The following TBKBP1 variants were observed in gnomAD, a reference collection of about 807,000 sequenced individuals.
TBKBP1 encodes TBK1 binding protein 1.
A neutral mutation model predicts 69.9 loss-of-function variants in TBKBP1; 47 were observed. The ratio of observed to expected loss-of-function variants is 0.67; its 90% CI spans 0.53 to 0.86. The LOEUF is 0.86. TBKBP1 is among the 40% of genes least tolerant of loss of function. The pLI is 0.00. For missense variants in TBKBP1, 831 were observed against 858.6 expected, an observed-to-expected ratio of 0.97 and a Z score of 0.40; for synonymous variants, 418 against 390.3, an observed-to-expected ratio of 1.07 and a Z score of -0.84.
intron 7 of TBKBP1, among the ~76,000 whole-genome samples, chr17:47,703,084 G>A (rs965205004): frequency 6.6e-6 from 1 of 152,096 alleles, no homozygotes; most frequent in Non-Finnish European, 1.5e-5. Flanking sequence ...TCATCTGTGC[G>A]GGGTCCATCT....
At position 47,709,223 on chromosome 17, in the gene TBKBP1, A is replaced by G; in HGVS notation, c.1490A>G (p.Tyr497Cys). 1.3e-6 allele frequency: 2 copies of G among 1,526,070 alleles called. No individual in the cohort carries two copies. Among genetic ancestry groups the G allele is most frequent in the African/African-American group, 1.4e-5 (1 of 69,792 alleles). The allele number at this position is 1,526,070 out of a possible 1,614,324, so 94.5% of individuals were successfully genotyped here. ...CCCCGGGCCTACGGCAGCGAGCTCT[A>G]CGGCCCTGGCAGGCCCCTCAGCCCG... ...PKPRAYGSEL[Y>C]GPGRPLSPRR... Residue 497 changes from tyrosine to cysteine, a missense_variant, in exon 9 of 10, where the codon TAC becomes TGC. Transcript: ENST00000578982.
At chr17:47,694,636 A>G (rs2031133262) in intron 1 of TBKBP1, 1 of 151,880 alleles carries the variant, frequency 6.6e-6, no homozygotes, top group Non-Finnish European at 1.5e-5. Context: ...GGGCCCAGAG[A>G]GGAATGCGGA....
chr17:47,704,223 C>T (rs745860893), intron 7 of TBKBP1, among the ~76,000 whole-genome samples: 1 of 152,208 alleles, frequency 6.6e-6, no homozygotes, highest in Non-Finnish European at 1.5e-5. Flanking sequence ...GATGTCAGCT[C>T]TGGTGGATTC....
chr17:47,710,409 T>A (rs1597972105), intron 9 of TBKBP1, 89 bp from the exon 10 acceptor site: 2 of 1,533,530 alleles, frequency 1.3e-6, no homozygotes, highest in East Asian at 4.6e-5. Context: ...CAGCCCTCCC[T>A]GCCCTGGGTC....
chr17:47,702,081 G>A (rs150746021), intron 7 of TBKBP1, among the ~76,000 whole-genome samples: 6 of 152,330 alleles, frequency 3.9e-5, no homozygotes, highest in Middle Eastern at 3.4e-3. Flanking sequence ...TCACTACCCC[G>A]ATAGTTTTAT....
Position 47,711,844 on chromosome 17 carries a change from C to T in TBKBP1, c.*1218C>T, listed in dbSNP as rs2031936099. On this transcript the variant is annotated 3_prime_UTR_variant, in exon 10 of 10. Transcript: ENST00000578982. ...CAGCGCATGTCCCGCTCTTATCCAA[C>T]TCTTCCAGGCCCCACCTCCCTGCAC... The T allele has an allele frequency of 6.6e-6, 1 of 152,658 alleles. No individual in the cohort carries two copies. 9.5% of individuals were successfully genotyped at this position (152,658 alleles called of 1,614,324 possible).
intron 1 of TBKBP1, chr17:47,695,545 CT>C (rs1372142177): frequency 6.5e-6 from 1 of 152,998 alleles, no homozygotes; most frequent in Non-Finnish European, 1.5e-5. Context: ...TTCCTGAACT[CT>C]GGGATCCTGC....
At chr17:47,694,727 G>C (rs964035254) in intron 1 of TBKBP1, 1 of 152,314 alleles carries the variant, frequency 6.6e-6, no homozygotes, top group East Asian at 1.9e-4. Context: ...GGGGGTCTGG[G>C]GGGGTGTGGT....
chr17:47,695,026 A>G, intron 1 of TBKBP1, among the ~76,000 whole-genome samples: 1 of 151,996 alleles, frequency 6.6e-6, no homozygotes, highest in East Asian at 1.9e-4. Flanking sequence ...ATAACGCTCC[A>G]GCGCGCGCAC....
rs917121155 is a variant in TBKBP1, at chr17:47,694,891, G to GC, written c.-35+697_-35+698insC. 5.5e-5 allele frequency among the ~76,000 whole-genome samples: 8 copies of GC among 144,234 alleles called. 1 individual carries two copies. The highest frequency in any genetic ancestry group is 9.1e-5 in the Non-Finnish European group (6 of 65,644). 94.6% of individuals were successfully genotyped at this position (144,234 alleles called of 152,430 possible). A position where few individuals can be genotyped will look rare whatever the true frequency, so the allele number is the denominator to read the frequency against. ...TAGATGGGCCTGTGGGTGGCGGAGG[G>GC]GGGGGGGTGGATTGAATTGGAGCCT... On this transcript the variant is annotated intron_variant, in intron 1 of 9. Coordinates refer to ENST00000578982, the MANE Select transcript of TBKBP1 (RefSeq NM_001394755.1).
rs537415352 is a variant in TBKBP1, at chr17:47,699,551, T to G, written c.810+56T>G. The G allele has an allele frequency of 5.1e-5, 82 of 1,611,652 alleles. 1 individual carries two copies. The African/African-American group carries it at 7.9e-4, about 15-fold the overall frequency. The stretch of plus-strand genomic sequence containing the variant: ...AGGTCCAGGGCTGGGCCTTCCCCAC[T>G]GTGTGCAGACTGGCCCAGGGAACTG... On this transcript the variant is annotated intron_variant, in intron 6 of 9. Coordinates refer to ENST00000578982, the MANE Select transcript of TBKBP1 (RefSeq NM_001394755.1).
At chr17:47,695,096 CCACGCGCT>C (rs2031168389) in intron 1 of TBKBP1, among the ~76,000 whole-genome samples, 1 of 152,176 alleles carries the variant, frequency 6.6e-6, no homozygotes, top group Admixed American at 6.5e-5. Context: ...GCCACCCTGC[CCACGCGCT>C]CACGCACGCG....
At chr17:47,709,678 G>C (rs2143369698) in intron 9 of TBKBP1, among the ~76,000 whole-genome samples, 1 of 152,322 alleles carries the variant, frequency 6.6e-6, no homozygotes, top group African/African-American at 2.4e-5. Context: ...TCATTTCCTT[G>C]GATAAGGATA....
chr17:47,711,506 T>TC lies in TBKBP1; in HGVS notation c.*880_*881insC, dbSNP rs2031922256. ...AGCCCTTGTGTGACTCAGCCTCTGTTAGCTGGGTGGGTGTCATCAGCCCCT... is the reference window on the plus strand; with the variant it reads ...AGCCCTTGTGTGACTCAGCCTCTGTTCAGCTGGGTGGGTGTCATCAGCCCCT... On this transcript the variant is annotated 3_prime_UTR_variant, in exon 10 of 10. Coordinates refer to ENST00000578982, the MANE Select transcript of TBKBP1 (RefSeq NM_001394755.1). The TC allele has an allele frequency of 6.6e-6, 1 of 152,600 alleles. No individual in the cohort carries two copies. Among genetic ancestry groups the TC allele is most frequent in the African/African-American group, 2.4e-5 (1 of 41,414 alleles). The allele number at this position is 152,600 out of a possible 1,614,324, so 9.5% of individuals were successfully genotyped here. A position where few individuals can be genotyped will look rare whatever the true frequency, so the allele number is the denominator to read the frequency against.
chr17:47,698,528 T>G, intron 4 of TBKBP1, 67 bp from the exon 5 acceptor site: 1 of 1,462,090 alleles, frequency 6.8e-7, no homozygotes, highest in Non-Finnish European at 9.2e-7. Context: ...TAGTCTGGGG[T>G]GATGACTCTC....
chr17:47,706,988 G>C (rs1334811979), intron 7 of TBKBP1, among the ~76,000 whole-genome samples: 1 of 152,140 alleles, frequency 6.6e-6, no homozygotes, highest in Non-Finnish European at 1.5e-5. Context: ...GGCCCTCCAG[G>C]CTTAAGAACT....
At position 47,709,255 on chromosome 17, in the gene TBKBP1, G is replaced by C; in HGVS notation, c.1522G>C (p.Ala508Pro). The C allele has an allele frequency of 6.6e-7, 1 of 1,520,928 alleles. No homozygotes were observed. The highest frequency in any genetic ancestry group is 2.6e-5 in the East Asian group (1 of 38,554). 94.2% of individuals were successfully genotyped at this position (1,520,928 alleles called of 1,614,324 possible). The change falls in exon 9 of 10, where the codon GCC becomes CCC. Residue 508 changes from alanine to proline, a missense_variant. Physicochemically the swap from Ala to Pro is conservative, Grantham distance 27 (BLOSUM62 -1). Transcript: ENST00000578982. ...GPGRPLSPRR[A>P]FEGIRLRFEK... Reference sequence around the variant, plus strand: ...TGGCAGGCCCCTCAGCCCGCGGCGCGCCTTCGAGGGCATCCGGCTGCGCTT... The same window carrying C: ...TGGCAGGCCCCTCAGCCCGCGGCGCCCCTTCGAGGGCATCCGGCTGCGCTT...
intron 9 of TBKBP1, among the ~76,000 whole-genome samples, chr17:47,710,032 AAGACAGAAGC>A (rs969113279): frequency 3.9e-5 from 6 of 152,206 alleles, no homozygotes; most frequent in African/African-American, 1.4e-4. Context: ...TCTGTCCTGA[AAGACAGAAGC>A]CTATCTCAGG....
chr17:47,700,617 T>A (rs536102666), intron 7 of TBKBP1, among the ~76,000 whole-genome samples: 2 of 151,956 alleles, frequency 1.3e-5, no homozygotes, highest in South Asian at 4.2e-4. Context: ...AGGGAGGTGG[T>A]GTTTCTTGGG....
Sources: gnomAD v4.1 joint callset for allele counts (sites outside exome capture counted in the v4.1 genomes callset) on GRCh38, gnomAD v4.1.1 for gene constraint, MANE v1.5 for transcripts, NCBI Gene and HGNC (gene_info 2026-07-23, HGNC 2026-07-21) for gene names.